Variants in STAT4 observed in about 807,000 individuals in gnomAD.
STAT4 encodes the protein signal transducer and activator of transcription 4.
In STAT4, 42 loss-of-function variants were observed where a neutral mutation model predicts 110.5. The observed-to-expected ratio is 0.38, with a 90% CI of 0.30 to 0.49. The LOEUF is 0.49. Among genes scored for constraint, STAT4 ranks in the 20% least tolerant of loss-of-function variants. The pLI is 0.95. For synonymous variants in STAT4, 284 were observed against 302.2 expected (o/e 0.94, Z 0.63); for missense variants, 632 against 887.9 (o/e 0.71, Z 3.66).
At chr2:191,056,139 GA>G (rs1434676390) in intron 13 of STAT4, among the ~76,000 whole-genome samples, 1 of 152,152 alleles carries the variant, frequency 6.6e-6, no homozygotes, top group Non-Finnish European at 1.5e-5. Context: ...TTATCTTTTA[GA>G]AAGTAGACTT....
intron 16 of STAT4, among the ~76,000 whole-genome samples, chr2:191,038,390 T>C (rs1204556488): frequency 1.3e-5 from 2 of 152,224 alleles, no homozygotes; most frequent in African/African-American, 4.8e-5. Context: ...GAAAGAACAC[T>C]AACAGCTGAT....
Position 191,142,363 on chromosome 2 carries a change from A to G in STAT4, c.273+4250T>C, listed in dbSNP as rs962361428. On this transcript the variant is annotated intron_variant, in intron 3 of 23. Coordinates refer to ENST00000392320, the MANE Select transcript of STAT4 (RefSeq NM_003151.4). The surrounding 1 kb of genome is among the most constrained non-coding windows in gnomAD (Gnocchi z 4.1). ...TAAATAAAATAAGCCAGGCACAGAA[A>G]GACAAATATCGCATGTTCTCACTCA... Among the ~76,000 whole-genome samples the G allele has an allele frequency of 7.2e-5, 11 of 152,172 alleles. No individual in the cohort carries two copies. The highest frequency in any genetic ancestry group is 2.7e-4 in the African/African-American group (11 of 41,438).
In STAT4 at chr2:191,107,484, A is replaced by G. The variant is rs147546994; in HGVS notation, c.274-31159T>C. The stretch of plus-strand genomic sequence containing the variant: ...TACTATTACTATCCCCATTTTACAC[A>G]GAAGATAAAGAGAGCAAGGTTCAGG... On this transcript the variant is annotated intron_variant, in intron 3 of 23. Coordinates refer to ENST00000392320, the MANE Select transcript of STAT4 (RefSeq NM_003151.4). This position sits in a 1 kb window ranked among gnomAD's most constrained non-coding sequence, Gnocchi z 4.2. Among the ~76,000 whole-genome samples the G allele has an allele frequency of 2.6e-5, 4 of 152,372 alleles. No individual in the cohort carries two copies. Among genetic ancestry groups the G allele is most frequent in the African/African-American group, 7.2e-5 (3 of 41,596 alleles).
At chr2:191,115,537 C>T (rs1372911891) in intron 3 of STAT4, among the ~76,000 whole-genome samples, 2 of 152,174 alleles carry the variant, frequency 1.3e-5, no homozygotes, top group African/African-American at 4.8e-5. Flanking sequence ...TTGGAGAACT[C>T]TACTGTTTTG....
In STAT4 at chr2:191,142,883, T is replaced by A. The variant is rs1486710818; in HGVS notation, c.273+3730A>T. On this transcript the variant is annotated intron_variant, in intron 3 of 23. Transcript: ENST00000392320. The surrounding 1 kb of genome is among the most constrained non-coding windows in gnomAD (Gnocchi z 4.1). ...TCAGGGGCCATGAAACTCTCTAGTATGATATTGTAATGGTAGATATATGAC... is the reference window on the plus strand; with the variant it reads ...TCAGGGGCCATGAAACTCTCTAGTAAGATATTGTAATGGTAGATATATGAC... Among the ~76,000 whole-genome samples, 1 of 152,250 alleles carries A rather than the reference T, an allele frequency of 6.6e-6. No homozygotes were observed. The highest frequency in any genetic ancestry group is 1.5e-5 in the Non-Finnish European group (1 of 68,014).
chr2:191,031,538 T>C lies in STAT4; in HGVS notation c.2045-22A>G, dbSNP rs533367698. ...GAAACTGGAAAACAAAAAGGCACAA[T>C]GTTGGGGAAAAAAATGTCAATATTA... On this transcript the variant is annotated intron_variant, in intron 21 of 23. Transcript: ENST00000392320. The surrounding 1 kb of genome is among the most constrained non-coding windows in gnomAD (Gnocchi z 4.8). 6.2e-7 allele frequency: 1 copy of C among 1,603,658 alleles called. No individual in the cohort carries two copies. The highest frequency in any genetic ancestry group is 8.5e-7 in the Non-Finnish European group (1 of 1,174,872).
Position 191,030,980 on chromosome 2 carries a change from C to A in STAT4, c.2212G>T (p.Glu738Ter). The change falls in exon 23 of 24, where the codon GAA becomes TAA. Residue 738 changes from glutamate (E) to a stop codon, truncating the protein, a stop_gained. Transcript: ENST00000392320. LOFTEE classifies it high-confidence loss of function. This position sits in a 1 kb window ranked among gnomAD's most constrained non-coding sequence, Gnocchi z 4.4. ...LRENLSPTTI[E>*]TAMKSPYSAE ...AAATAAAGGGAACATACTGCAGTTT[C>A]AATTGTTGTGGGACTCAGGTTTTCT... 1 of 1,613,726 alleles carries A rather than the reference C, an allele frequency of 6.2e-7. No homozygotes were observed. Among genetic ancestry groups the A allele is most frequent in the South Asian group, 1.1e-5 (1 of 91,064 alleles).
chr2:191,056,707 G>A (rs1401276101), intron 13 of STAT4, among the ~76,000 whole-genome samples: 3 of 151,110 alleles, frequency 2.0e-5, no homozygotes, highest in Non-Finnish European at 4.4e-5. Flanking sequence ...TTTTCTTTGT[G>A]GTAGGATCAT....
upstream of STAT4, chr2:191,151,019 G>A (rs1691186393): frequency 1.0e-6 from 1 of 985,500 alleles, no homozygotes; most frequent in Non-Finnish European, 1.2e-6. The surrounding 1 kb of genome is among the most constrained non-coding windows in gnomAD (Gnocchi z 4.7). Context: ...CAGTCCCTAG[G>A]AGAAAGCCGC....
chr2:191,106,208 C>T (rs111357468), intron 3 of STAT4, among the ~76,000 whole-genome samples: 4 of 152,224 alleles, frequency 2.6e-5, no homozygotes, highest in South Asian at 2.1e-4. Flanking sequence ...ACAGACGTTA[C>T]AAAAGAAACC....
rs1333921980 is a variant in STAT4 at position 191,144,051 on chromosome 2, T to A, written c.273+2562A>T. ...ATGGAAGCACAAGAAAGAGCAAGTGTTTTTTTCAACTCAAATATCTTAATT... is the reference window on the plus strand; with the variant it reads ...ATGGAAGCACAAGAAAGAGCAAGTGATTTTTTCAACTCAAATATCTTAATT... On this transcript the variant is annotated intron_variant, in intron 3 of 23. Transcript: ENST00000392320. This position sits in a 1 kb window ranked among gnomAD's most constrained non-coding sequence, Gnocchi z 4.7. 6.6e-6 allele frequency among the ~76,000 whole-genome samples: 1 copy of A among 152,164 alleles called. No individual in the cohort carries two copies. The highest frequency in any genetic ancestry group is 1.5e-5 in the Non-Finnish European group (1 of 68,024).
intron 3 of STAT4, among the ~76,000 whole-genome samples, chr2:191,141,284 T>C (rs757708252): frequency 2.0e-5 from 3 of 151,170 alleles, no homozygotes; most frequent in East Asian, 1.9e-4. Flanking sequence ...TCAACAGATA[T>C]AAGAAAAAAT....
chr2:191,051,832 C>G lies in STAT4; in HGVS notation c.1251+2658G>C, dbSNP rs1574710089. Among the ~76,000 whole-genome samples, 1 of 152,154 alleles carries G rather than the reference C, an allele frequency of 6.6e-6. No homozygotes were observed. Among genetic ancestry groups the G allele is most frequent in the Non-Finnish European group, 1.5e-5 (1 of 68,018 alleles). ...TATCTTGGCCCTGCCATCAACTGCCCCCACTATCTTGAGTAAGCTGTGTGA... is the reference window on the plus strand; with the variant it reads ...TATCTTGGCCCTGCCATCAACTGCCGCCACTATCTTGAGTAAGCTGTGTGA... On this transcript the variant is annotated intron_variant, in intron 14 of 23. Coordinates refer to ENST00000392320, the MANE Select transcript of STAT4 (RefSeq NM_003151.4). The surrounding 1 kb of genome is among the most constrained non-coding windows in gnomAD (Gnocchi z 5.6).
chr2:191,039,411 C>T lies in STAT4; in HGVS notation c.1336-114G>A, dbSNP rs1179219851. ...CTCAAGCCAGCCCCACACCTCCAGTCCTGATGTCCATGGTGCCCTGGTCAC... is the reference window on the plus strand; with the variant it reads ...CTCAAGCCAGCCCCACACCTCCAGTTCTGATGTCCATGGTGCCCTGGTCAC... On this transcript the variant is annotated intron_variant, in intron 15 of 23. Transcript: ENST00000392320. The surrounding 1 kb of genome is among the most constrained non-coding windows in gnomAD (Gnocchi z 4.7). 7 of 817,134 alleles carry T rather than the reference C, an allele frequency of 8.6e-6. No homozygotes were observed. Among genetic ancestry groups the T allele is most frequent in the Admixed American group, 3.9e-5 (2 of 51,022 alleles). 50.6% of individuals were successfully genotyped at this position (817,134 alleles called of 1,614,324 possible).
chr2:191,144,205 T>G lies in STAT4; in HGVS notation c.273+2408A>C, dbSNP rs970979525. On this transcript the variant is annotated intron_variant, in intron 3 of 23. Coordinates refer to ENST00000392320, the MANE Select transcript of STAT4 (RefSeq NM_003151.4). The surrounding 1 kb of genome is among the most constrained non-coding windows in gnomAD (Gnocchi z 4.7). ...ACCTTGTGACCTGGTTTGACACACA[T>G]GCAACACAGATGAAAGGGACAGAAG... is the stretch of plus-strand genomic sequence containing the variant. 6.6e-6 allele frequency among the ~76,000 whole-genome samples: 1 copy of G among 152,176 alleles called. No individual in the cohort carries two copies. Among genetic ancestry groups the G allele is most frequent in the African/African-American group, 2.4e-5 (1 of 41,436 alleles).
In STAT4 at chr2:191,113,542, T is replaced by C. The variant is rs1206995226; in HGVS notation, c.273+33071A>G. On this transcript the variant is annotated intron_variant, in intron 3 of 23. Transcript: ENST00000392320. This position sits in a 1 kb window ranked among gnomAD's most constrained non-coding sequence, Gnocchi z 4.8. ...GTAGTCAAACTTGAAGAAGGCTGAA[T>C]TGGTTTAAGAGATTCAAGGAAACTT... is the stretch of plus-strand genomic sequence containing the variant. Among the ~76,000 whole-genome samples, 1 of 152,174 alleles carries C rather than the reference T, an allele frequency of 6.6e-6. No homozygotes were observed. The highest frequency in any genetic ancestry group is 1.5e-5 in the Non-Finnish European group (1 of 68,022).
In STAT4 at chr2:191,142,604, G is replaced by C. The variant is rs1406608286; in HGVS notation, c.273+4009C>G. Among the ~76,000 whole-genome samples the C allele has an allele frequency of 6.6e-6, 1 of 152,016 alleles. No individual in the cohort carries two copies. The highest frequency in any genetic ancestry group is 1.5e-5 in the Non-Finnish European group (1 of 68,006). On this transcript the variant is annotated intron_variant, in intron 3 of 23. Coordinates refer to ENST00000392320, the MANE Select transcript of STAT4 (RefSeq NM_003151.4). The surrounding 1 kb of genome is among the most constrained non-coding windows in gnomAD (Gnocchi z 4.1). ...ATATTTCAGAGTAGCTAGAAGAATG[G>C]GTTTGAAATGTTTCCAACATAGAAA...
rs1697214520 is a variant in STAT4, at chr2:191,073,158, T to C, written c.405A>G (p.Ser135=). The change falls in exon 5 of 24, where the codon TCA becomes TCG. Residue 135 remains serine, a synonymous_variant. Coordinates refer to ENST00000392320, the MANE Select transcript of STAT4 (RefSeq NM_003151.4). ...CCACATTCCTCTGTCTTTCTGAAACTGAAGAACTTTGTAAGGATTTCTCTA... is the reference window on the plus strand; with the variant it reads ...CCACATTCCTCTGTCTTTCTGAAACCGAAGAACTTTGTAAGGATTTCTCTA... ...GPLEKSLQSS[S]VSERQRNVEH... The C allele has an allele frequency of 1.2e-6, 2 of 1,613,888 alleles. No individual in the cohort carries two copies. Among genetic ancestry groups the C allele is most frequent in the South Asian group, 1.1e-5 (1 of 91,080 alleles).
In STAT4 at chr2:191,053,271, G is replaced by A. The variant is rs1420642877; in HGVS notation, c.1251+1219C>T. ...CCTCACTGCTTCAAAACTGCATCACGTAGGTGGTTTTACACCTGCAGCACC... is the reference window on the plus strand; with the variant it reads ...CCTCACTGCTTCAAAACTGCATCACATAGGTGGTTTTACACCTGCAGCACC... On this transcript the variant is annotated intron_variant, in intron 14 of 23. Transcript: ENST00000392320. The surrounding 1 kb of genome is among the most constrained non-coding windows in gnomAD (Gnocchi z 4.5). 6.6e-6 allele frequency among the ~76,000 whole-genome samples: 1 copy of A among 152,156 alleles called. No individual in the cohort carries two copies. Among genetic ancestry groups the A allele is most frequent in the African/African-American group, 2.4e-5 (1 of 41,428 alleles).
Sources: allele counts gnomAD v4.1 joint callset (sites outside exome capture counted in the v4.1 genomes callset), GRCh38; gene constraint gnomAD v4.1.1; non-coding constraint Gnocchi (gnomAD v3.1); transcripts MANE v1.5; gene names NCBI Gene and HGNC (gene_info 2026-07-23, HGNC 2026-07-21).